XRN1: variants seen among roughly 807,000 people sequenced by gnomAD.
XRN1 encodes the protein 5'-3' exoribonuclease 1.
Under a neutral mutation model 222.3 loss-of-function variants are expected in XRN1, and 67 were observed. That is an observed-to-expected ratio of 0.30 (90% CI 0.25 to 0.37). The LOEUF (loss-of-function observed/expected upper bound fraction) is 0.37, where lower values mean the gene tolerates loss of function less well. XRN1 is among the 10% of genes least tolerant of loss of function. The probability of loss-of-function intolerance (pLI) is 1.00; values close to 1 mark genes in which losing one functional copy is unlikely to be tolerated. For synonymous variants in XRN1, 643 were observed against 652.4 expected, an observed-to-expected ratio of 0.99 and a Z score of 0.22; for missense variants, 1,707 against 2,000.2, an observed-to-expected ratio of 0.85 and a Z score of 2.80.
intron 32 of XRN1, among the ~76,000 whole-genome samples, chr3:142,351,449 T>C (rs1338271598): frequency 2.6e-5 from 4 of 152,132 alleles, no homozygotes; most frequent in Non-Finnish European, 4.4e-5. Context: ...ACAAAGGTCA[T>C]TGGGAACCTT....
At chr3:142,417,577 G>A (rs2068834761) in intron 12 of XRN1, among the ~76,000 whole-genome samples, 2 of 152,342 alleles carry the variant, frequency 1.3e-5, no homozygotes, top group South Asian at 4.1e-4. Flanking sequence ...ACGGGAGAAA[G>A]GGATGGGAAT....
intron 30 of XRN1, among the ~76,000 whole-genome samples, chr3:142,357,814 T>C (rs909754507): frequency 2.0e-5 from 3 of 152,198 alleles, no homozygotes; most frequent in South Asian, 2.1e-4. Flanking sequence ...GGCAGGTCGA[T>C]CACTTGAGGT....
intron 25 of XRN1, among the ~76,000 whole-genome samples, chr3:142,373,652 A>T (rs1413442711): frequency 6.6e-6 from 1 of 152,226 alleles, no homozygotes; most frequent in Non-Finnish European, 1.5e-5. Context: ...CTTTATCAAC[A>T]GCAATATGGA....
intron 13 of XRN1, among the ~76,000 whole-genome samples, chr3:142,414,977 G>A (rs2068728092): frequency 1.3e-5 from 2 of 152,150 alleles, no homozygotes; most frequent in South Asian, 2.1e-4. Context: ...GGTCACTTGA[G>A]CCTGGATCAT....
At chr3:142,441,203 C>T (rs1231485184) in intron 1 of XRN1, among the ~76,000 whole-genome samples, 1 of 152,224 alleles carries the variant, frequency 6.6e-6, no homozygotes, top group Non-Finnish European at 1.5e-5. Context: ...CATCCCCAAA[C>T]CCTAAAGCAA....
At position 142,417,305 on chromosome 3, in the gene XRN1, TACA is replaced by T. The variant is rs1452850741; in HGVS notation, c.1347-79_1347-77del. 8 of 1,103,600 alleles carry T rather than the reference TACA, an allele frequency of 7.2e-6. No homozygotes were observed. In the African/African-American group the frequency reaches 1.3e-4, roughly 17 times the overall value. 68.4% of individuals were successfully genotyped at this position (1,103,600 alleles called of 1,614,324 possible). A position where few individuals can be genotyped will look rare whatever the true frequency, so the allele number is the denominator to read the frequency against. ...GTCTTTAGAGCACGGTATCTGCTGA[TACA>T]ACATTTTACCTCAGATGATTTATTT... On this transcript the variant is annotated intron_variant, in intron 12 of 40. Coordinates refer to ENST00000392981, the MANE Select transcript of XRN1 (RefSeq NM_001282857.2).
chr3:142,419,595 GGT>G (rs2068922523), intron 10 of XRN1, among the ~76,000 whole-genome samples: 1 of 152,134 alleles, frequency 6.6e-6, no homozygotes, highest in African/African-American at 2.4e-5. Flanking sequence ...CAGATCACGA[GGT>G]CAGGAGTTCG....
At chr3:142,377,004 T>C (rs561097845) in intron 23 of XRN1, among the ~76,000 whole-genome samples, 48 of 152,266 alleles carry the variant, frequency 3.2e-4, no homozygotes, top group Non-Finnish European at 5.9e-4. Context: ...GCCTCAGTAA[T>C]TATTACATTG....
At chr3:142,422,350 A>G (rs1202817772) in intron 8 of XRN1, among the ~76,000 whole-genome samples, 7 of 152,152 alleles carry the variant, frequency 4.6e-5, no homozygotes, top group African/African-American at 9.7e-5. Context: ...AATAAAAAAA[A>G]GGCAAAGATT....
chr3:142,394,856 C>G (rs1019344688), intron 20 of XRN1, among the ~76,000 whole-genome samples: 10 of 152,116 alleles, frequency 6.6e-5, no homozygotes, highest in African/African-American at 2.4e-4. Flanking sequence ...CACAGGTATA[C>G]AGAAATTTAT....
At chr3:142,430,424 T>TA (rs1289592956) in intron 2 of XRN1, among the ~76,000 whole-genome samples, 1 of 152,110 alleles carries the variant, frequency 6.6e-6, no homozygotes, top group African/African-American at 2.4e-5. Flanking sequence ...GGGAGTATGG[T>TA]AAAAAATAGT....
At chr3:142,413,164 A>C (rs2068653072) in intron 14 of XRN1, among the ~76,000 whole-genome samples, 1 of 152,240 alleles carries the variant, frequency 6.6e-6, no homozygotes, top group African/African-American at 2.4e-5. Context: ...AATATCAAAG[A>C]GAAATAGTCC....
chr3:142,355,661 G>A (rs1042418385), intron 31 of XRN1, among the ~76,000 whole-genome samples, 165 bp from the exon 32 acceptor site: 2 of 151,718 alleles, frequency 1.3e-5, no homozygotes, highest in Non-Finnish European at 2.9e-5. Context: ...TGCTCATGTC[G>A]CCCAAGCTGG....
At chr3:142,364,969 A>G in intron 29 of XRN1, 78 bp downstream of exon 29, 1 of 1,422,752 alleles carries the variant, frequency 7.0e-7, no homozygotes, top group Admixed American at 2.5e-5. Flanking sequence ...TTCTGGTTAG[A>G]TATAAAAAAC....
chr3:142,361,959 C>CTT (rs2066647673), intron 29 of XRN1, among the ~76,000 whole-genome samples: 1 of 85,090 alleles, frequency 1.2e-5, no homozygotes, highest in Non-Finnish European at 2.4e-5. Flanking sequence ...TTTTCTTTTT[C>CTT]TCTCTTTTTT....
At chr3:142,320,781 G>A (rs1224410180) in intron 37 of XRN1, among the ~76,000 whole-genome samples, 1 of 151,980 alleles carries the variant, frequency 6.6e-6, no homozygotes, top group East Asian at 1.9e-4. Flanking sequence ...TATTCTATGA[G>A]TTACCTTTTT....
At chr3:142,359,723 TA>T in intron 30 of XRN1, 138 bp downstream of exon 30, 1 of 539,526 alleles carries the variant, frequency 1.9e-6, no homozygotes. Flanking sequence ...ATGTCTGCCT[TA>T]TTCAGTGTTA....
chr3:142,384,431 G>A, intron 21 of XRN1, 92 bp downstream of exon 21: 1 of 989,210 alleles, frequency 1.0e-6, no homozygotes, highest in African/African-American at 1.7e-5. Flanking sequence ...TGCTGAATTA[G>A]TCTATTTATA....
rs147123426 is a variant in XRN1, at chr3:142,324,074, G to T, written c.4405-5171C>A. 5.6e-3 allele frequency among the ~76,000 whole-genome samples: 822 copies of T among 147,040 alleles called. 10 individuals are homozygous for T. Among genetic ancestry groups the T allele is most frequent in the African/African-American group, 0.019 (762 of 39,984 alleles). On this transcript the variant is annotated intron_variant, in intron 37 of 40. Coordinates refer to ENST00000392981, the MANE Select transcript of XRN1 (RefSeq NM_001282857.2). The stretch of plus-strand genomic sequence containing the variant: ...GTTATTTTAAAATATATATTATTGG[G>T]TTTTTTTTCAGTTTTTTTTTTATTA...
Sources: gnomAD v4.1 joint callset for allele counts (sites outside exome capture counted in the v4.1 genomes callset) on GRCh38, gnomAD v4.1.1 for gene constraint, MANE v1.5 for transcripts, NCBI Gene and HGNC (gene_info 2026-07-23, HGNC 2026-07-21) for gene names.